PCNX2: variants seen among roughly 807,000 people sequenced by gnomAD.
PCNX2 encodes pecanex 2, also known as pecanex-like protein 2.
PCNX2 carries 168 observed loss-of-function variants against 223.8 expected under a neutral mutation model. The ratio of observed to expected loss-of-function variants is 0.75; its 90% CI spans 0.66 to 0.85. The LOEUF (loss-of-function observed/expected upper bound fraction) is 0.85, where lower values mean the gene tolerates loss of function less well. Among genes scored for constraint, PCNX2 ranks in the 40% least tolerant of loss-of-function variants. PCNX2 has a pLI of 0.00. For missense variants in PCNX2, 2,507 were observed against 2,675.5 expected (o/e 0.94, Z 1.39); for synonymous variants, 1,006 against 1,052.6 (o/e 0.96, Z 0.86).
intron 17 of PCNX2, among the ~76,000 whole-genome samples, chr1:233,167,014 C>T (rs972550227): frequency 2.0e-5 from 3 of 152,194 alleles, no homozygotes; most frequent in South Asian, 2.1e-4. Context: ...AGAACTACCA[C>T]GTGCCCCAGC....
In PCNX2 at chr1:233,261,277, C is replaced by G. The variant is rs746845524; in HGVS notation, c.517+8G>C. The G allele has an allele frequency of 3.0e-5, 48 of 1,605,296 alleles. No individual in the cohort carries two copies. The South Asian group carries it at 4.9e-4, about 17-fold the overall frequency. ...GCTGTGATAAAATATAAATGATTAACAGTTTACCTTTGAGATCTTCTACAG... is the reference window on the plus strand; with the variant it reads ...GCTGTGATAAAATATAAATGATTAAGAGTTTACCTTTGAGATCTTCTACAG... On this transcript the variant is annotated splice_region_variant and intron_variant, in intron 4 of 33. Coordinates refer to ENST00000258229, the MANE Select transcript of PCNX2 (RefSeq NM_014801.4).
intron 1 of PCNX2, among the ~76,000 whole-genome samples, chr1:233,277,014 C>T (rs1660950448): frequency 6.6e-6 from 1 of 152,232 alleles, no homozygotes; most frequent in Non-Finnish European, 1.5e-5. Flanking sequence ...TGGTATTGAA[C>T]TTGAGCAGTG....
chr1:233,293,969 G>T, intron 1 of PCNX2: 1 of 985,242 alleles, frequency 1.0e-6, no homozygotes, highest in Non-Finnish European at 1.2e-6. Context: ...ATGGTGCGGA[G>T]AATCAGAAAG....
intron 21 of PCNX2, among the ~76,000 whole-genome samples, chr1:233,121,727 G>A (rs1215539644): frequency 6.6e-6 from 1 of 152,108 alleles, no homozygotes; most frequent in Non-Finnish European, 1.5e-5. Flanking sequence ...AGCAAACAAG[G>A]GGAAAAGGCT....
In PCNX2 at chr1:233,025,212, G is replaced by T; in HGVS notation, c.4539C>A (p.Asp1513Glu). Residue 1513 changes from aspartate (D) to glutamate (E), a missense_variant, in exon 26 of 34, where the codon GAC becomes GAA. By Grantham distance (45) the Asp-to-Glu change is conservative (BLOSUM62 2). Transcript: ENST00000258229. ...QYILEGYSIL[D>E]NNAATMLQVF... ...CCTGCAGCATGGTGGCCGCGTTGTT[G>T]TCCAGGATGCTGTAGCCCTCCAGGA... 1 of 1,614,048 alleles carries T rather than the reference G, an allele frequency of 6.2e-7. No homozygotes were observed. The highest frequency in any genetic ancestry group is 8.5e-7 in the Non-Finnish European group (1 of 1,179,886).
chr1:233,001,729 C>A lies in PCNX2; in HGVS notation c.4953-48G>T. 1 of 1,443,286 alleles carries A rather than the reference C, an allele frequency of 6.9e-7. No homozygotes were observed. Among genetic ancestry groups the A allele is most frequent in the South Asian group, 1.6e-5 (1 of 62,226 alleles). 89.4% of individuals were successfully genotyped at this position (1,443,286 alleles called of 1,614,324 possible). ...TATGGAACAAATTTCAGAATCCTGT[C>A]ATTGTGAGCAAAGTTTGAGTCTCCC... is the stretch of plus-strand genomic sequence containing the variant. On this transcript the variant is annotated intron_variant, in intron 28 of 33. Coordinates refer to ENST00000258229, the MANE Select transcript of PCNX2 (RefSeq NM_014801.4). This position sits in a 1 kb window ranked among gnomAD's most constrained non-coding sequence, Gnocchi z 4.2.
intron 23 of PCNX2, among the ~76,000 whole-genome samples, chr1:233,062,366 T>C (rs900212952): frequency 4.6e-5 from 7 of 152,224 alleles, no homozygotes; most frequent in African/African-American, 1.7e-4. Flanking sequence ...TTTTGATCAC[T>C]TGATGGGTCA....
intron 12 of PCNX2, among the ~76,000 whole-genome samples, chr1:233,213,749 G>A (rs1242579586): frequency 6.7e-6 from 1 of 150,334 alleles, no homozygotes; most frequent in Non-Finnish European, 1.5e-5. Flanking sequence ...CATTTACAGA[G>A]GACTTAGTAT....
the PCNX2 span, among the ~76,000 whole-genome samples, chr1:233,310,845 T>A: frequency 6.6e-6 from 1 of 152,148 alleles, no homozygotes; most frequent in African/African-American, 2.4e-5. Context: ...GCAGGTCACA[T>A]GGCAGGAGAG....
At position 233,225,083 on chromosome 1, in the gene PCNX2, T is replaced by C. The variant is rs371964548; in HGVS notation, c.2504+2143A>G. Reference sequence around the variant, plus strand: ...TATACCTGTGTAACAAACCTGCACGTTCTGCACATGTATCCCAGAACTAAA... The same window carrying C: ...TATACCTGTGTAACAAACCTGCACGCTCTGCACATGTATCCCAGAACTAAA... On this transcript the variant is annotated intron_variant, in intron 10 of 33. Coordinates refer to ENST00000258229, the MANE Select transcript of PCNX2 (RefSeq NM_014801.4). 2.9e-5 allele frequency among the ~76,000 whole-genome samples: 4 copies of C among 139,888 alleles called. No homozygotes were observed. The East Asian group carries it at 6.2e-4, about 22-fold the overall frequency. 91.8% of individuals were successfully genotyped at this position (139,888 alleles called of 152,430 possible).
chr1:233,144,496 G>A (rs944963958), intron 19 of PCNX2, among the ~76,000 whole-genome samples: 27 of 152,116 alleles, frequency 1.8e-4, no homozygotes, highest in Admixed American at 9.8e-4. Flanking sequence ...TTACACTCTC[G>A]CAGATGGTAC....
At chr1:233,178,031 A>G (rs939150656) in intron 16 of PCNX2, 133 bp from the exon 17 acceptor site, 2 of 663,810 alleles carry the variant, frequency 3.0e-6, no homozygotes, top group Non-Finnish European at 2.6e-6. Context: ...ATTTATAATA[A>G]AAAGAGGTGC....
intron 21 of PCNX2, among the ~76,000 whole-genome samples, chr1:233,115,100 G>A (rs1323539791): frequency 7.9e-5 from 12 of 151,956 alleles, no homozygotes. Context: ...GAGGAAGGGA[G>A]GAAGAAACAT....
rs77983678 is a variant in PCNX2 at position 233,188,888 on chromosome 1, C to T, written c.3067-9713G>A. 3.3e-3 allele frequency among the ~76,000 whole-genome samples: 503 copies of T among 152,258 alleles called. 5 individuals are homozygous for T. The highest frequency in any genetic ancestry group is 0.012 in the African/African-American group (485 of 41,530). On this transcript the variant is annotated intron_variant, in intron 15 of 33. Transcript: ENST00000258229. The stretch of plus-strand genomic sequence containing the variant: ...TGATTAGGGACCATAACTACATCTG[C>T]GAAATCCCTTCAAGTTTGCCAGATA...
chr1:233,034,087 C>T (rs369527424), intron 25 of PCNX2, among the ~76,000 whole-genome samples: 2 of 152,114 alleles, frequency 1.3e-5, no homozygotes, highest in Admixed American at 6.5e-5. Flanking sequence ...TGGCGTGCAC[C>T]TGTAGTATCA....
intron 10 of PCNX2, among the ~76,000 whole-genome samples, chr1:233,220,919 C>T (rs552663107): frequency 4.2e-4 from 64 of 152,074 alleles, no homozygotes; most frequent in South Asian, 1.0e-3. Context: ...TTGATAGATA[C>T]GTATACAGAT....
intron 19 of PCNX2, 52 bp downstream of exon 19, chr1:233,160,231 G>A (rs1275523592): frequency 1.3e-5 from 21 of 1,559,730 alleles, no homozygotes; most frequent in Middle Eastern, 1.8e-4. Context: ...CCGGTTTAAT[G>A]TATACCTACC....
chr1:233,029,224 A>C (rs912950529), intron 25 of PCNX2, among the ~76,000 whole-genome samples: 3 of 151,702 alleles, frequency 2.0e-5, no homozygotes, highest in Non-Finnish European at 2.9e-5. Flanking sequence ...TTATTTTTTC[A>C]GTTTCTCTAA....
chr1:233,053,130 G>T (rs1225716317), intron 25 of PCNX2, among the ~76,000 whole-genome samples: 1 of 152,012 alleles, frequency 6.6e-6, no homozygotes, highest in African/African-American at 2.4e-5. Context: ...GTCCCTACAT[G>T]GTTCCCCATA....
Sources: allele counts gnomAD v4.1 joint callset (sites outside exome capture counted in the v4.1 genomes callset), GRCh38; gene constraint gnomAD v4.1.1; non-coding constraint Gnocchi (gnomAD v3.1); transcripts MANE v1.5; gene names NCBI Gene and HGNC (gene_info 2026-07-23, HGNC 2026-07-21).